The following CFH variants were observed in gnomAD, a reference collection of about 807,000 sequenced individuals.
CFH encodes H factor 1 (complement).
Under a neutral mutation model 147.3 loss-of-function variants are expected in CFH, and 53 were observed. The observed-to-expected ratio is 0.36, with a 90% CI of 0.29 to 0.45. The LOEUF (loss-of-function observed/expected upper bound fraction) is 0.45. Ranked by LOEUF, CFH falls within the 20% of genes least tolerant of loss-of-function variation. CFH has a pLI of 1.00. For synonymous variants in CFH, 536 were observed against 489.4 expected (o/e 1.10, Z -1.26); for missense variants, 1,380 against 1,498.0 (o/e 0.92, Z 1.30).
chr1:196,698,640 A>G (rs1047515980), intron 9 of CFH, among the ~76,000 whole-genome samples: 1 of 152,232 alleles, frequency 6.6e-6, no homozygotes, highest in Non-Finnish European at 1.5e-5. Flanking sequence ...AAATTCTACC[A>G]GAGGTACTAA....
chr1:196,694,052 T>C (rs1479598094), intron 9 of CFH, among the ~76,000 whole-genome samples: 1 of 151,722 alleles, frequency 6.6e-6, no homozygotes, highest in African/African-American at 2.4e-5. Flanking sequence ...GTTTGTTACA[T>C]AAGTATACGT....
At chr1:196,669,950 G>T (rs1055697493) in intron 1 of CFH, among the ~76,000 whole-genome samples, 1 of 152,216 alleles carries the variant, frequency 6.6e-6, no homozygotes, top group African/African-American at 2.4e-5. Flanking sequence ...ATTGGGGCAG[G>T]TCTGCCCAAG....
chr1:196,742,404 A>T (rs1004052666), intron 19 of CFH, among the ~76,000 whole-genome samples: 6 of 152,166 alleles, frequency 3.9e-5, no homozygotes, highest in Non-Finnish European at 5.9e-5. Flanking sequence ...GAAATAAATA[A>T]ATATATAAGT....
intron 15 of CFH, among the ~76,000 whole-genome samples, chr1:196,736,489 T>C (rs1669404620): frequency 6.6e-6 from 1 of 151,988 alleles, no homozygotes; most frequent in African/African-American, 2.4e-5. Context: ...TGTAATTCCA[T>C]TAAAACATTC....
chr1:196,652,674 T>C (rs949520122), intron 1 of CFH, among the ~76,000 whole-genome samples: 6 of 151,762 alleles, frequency 4.0e-5, no homozygotes, highest in Non-Finnish European at 8.8e-5. Flanking sequence ...TGTAGACAAG[T>C]ATTACTTGTA....
At position 196,707,577 on chromosome 1, in the gene CFH, T is replaced by G. The variant is rs537366453; in HGVS notation, c.1337-6158T>G. Among the ~76,000 whole-genome samples the G allele has an allele frequency of 5.8e-4, 89 of 152,260 alleles. 2 individuals carry two copies. In the South Asian group the frequency reaches 0.016, roughly 27 times the overall value. On this transcript the variant is annotated intron_variant, in intron 9 of 21. Transcript: ENST00000367429. ...AAGCATGACTGGTGACCCATTCCTC[T>G]GTTCAGCTTGAAGGACTTAGACCCT...
chr1:196,660,458 A>C (rs1217767129), intron 1 of CFH, among the ~76,000 whole-genome samples: 1 of 152,168 alleles, frequency 6.6e-6, no homozygotes, highest in Non-Finnish European at 1.5e-5. Context: ...GATTTGCAAG[A>C]ATCACTTGTC....
intron 15 of CFH, among the ~76,000 whole-genome samples, chr1:196,732,545 C>T (rs543895502): frequency 6.6e-6 from 1 of 151,960 alleles, no homozygotes; most frequent in Non-Finnish European, 1.5e-5. Context: ...TTTTCTTTAA[C>T]TCACAGTGTT....
At chr1:196,724,968 A>G (rs1322538311) in intron 11 of CFH, among the ~76,000 whole-genome samples, 153 bp from the exon 12 acceptor site, 1 of 152,210 alleles carries the variant, frequency 6.6e-6, no homozygotes, top group Non-Finnish European at 1.5e-5. Flanking sequence ...AGCATATAAA[A>G]CATAATATGT....
intron 9 of CFH, among the ~76,000 whole-genome samples, chr1:196,707,058 C>A (rs1309794358): frequency 6.6e-6 from 1 of 152,054 alleles, no homozygotes; most frequent in Non-Finnish European, 1.5e-5. Context: ...ATTTCTGTAG[C>A]CTAGGACACC....
chr1:196,687,126 G>T (rs969755951), intron 7 of CFH, among the ~76,000 whole-genome samples: 1 of 151,948 alleles, frequency 6.6e-6, no homozygotes, highest in East Asian at 1.9e-4. Context: ...CTGGACTTGG[G>T]TCAAATAAAT....
chr1:196,681,427 A>T (rs1218360093), intron 6 of CFH, among the ~76,000 whole-genome samples: 1 of 151,198 alleles, frequency 6.6e-6, no homozygotes, highest in Non-Finnish European at 1.5e-5. Flanking sequence ...TCCCAAATGT[A>T]TTACTGCATT....
intron 9 of CFH, among the ~76,000 whole-genome samples, chr1:196,697,481 G>A (rs1176787213): frequency 1.3e-5 from 2 of 151,668 alleles, no homozygotes; most frequent in African/African-American, 2.4e-5. Context: ...AGTTAGAATG[G>A]CGATCATTAA....
rs752859825 is a variant in CFH, at chr1:196,726,594, G to T, written c.1998G>T (p.Lys666Asn). The change falls in exon 13 of 22, where the codon AAG becomes AAT. Residue 666 changes from lysine (K) to asparagine (N), a missense_variant. By Grantham distance (94) the Lys-to-Asn change is moderately conservative. This residue lies in a region of CFH where 830 missense variants were observed against 821.4 expected (regional missense o/e 1.01). Transcript: ENST00000367429. ...ATTGCAATCCTAGATTTCTAATGAAGGGACCTAATAAAATTCAATGTGTTG... is the reference window on the plus strand; with the variant it reads ...ATTGCAATCCTAGATTTCTAATGAATGGACCTAATAAAATTCAATGTGTTG... ...EYYCNPRFLM[K>N]GPNKIQCVDG... is the part of the protein sequence containing the mutation. 35 of 1,612,340 alleles carry T rather than the reference G, an allele frequency of 2.2e-5. No individual in the cohort carries two copies. The highest frequency in any genetic ancestry group is 2.9e-5 in the Non-Finnish European group (34 of 1,178,634).
chr1:196,723,550 G>C (rs543298225), intron 11 of CFH, among the ~76,000 whole-genome samples: 1 of 152,252 alleles, frequency 6.6e-6, no homozygotes, highest in East Asian at 1.9e-4. Flanking sequence ...GCACGGACAG[G>C]TAAGAGCCAG....
chr1:196,722,006 C>T (rs1366705606), intron 11 of CFH, among the ~76,000 whole-genome samples: 1 of 151,998 alleles, frequency 6.6e-6, no homozygotes, highest in Admixed American at 6.6e-5. Context: ...GTCCACAAAT[C>T]TATATCTTTT....
In CFH at chr1:196,726,457, A is replaced by G. The variant is rs773675235; in HGVS notation, c.1874-13A>G. 106 of 1,588,788 alleles carry G rather than the reference A, an allele frequency of 6.7e-5. No individual in the cohort carries two copies. Among genetic ancestry groups the G allele is most frequent in the Non-Finnish European group, 5.2e-6 (6 of 1,158,294 alleles). On this transcript the variant is annotated splice_polypyrimidine_tract_variant and intron_variant, in intron 12 of 21. Coordinates refer to ENST00000367429, the MANE Select transcript of CFH (RefSeq NM_000186.4). ...ACAATTTAACCATTATTTACATAGT[A>G]TTTCTACTATAGAGCAAGTACAATC...
At chr1:196,734,024 C>T (rs865786704) in intron 15 of CFH, among the ~76,000 whole-genome samples, 1 of 152,074 alleles carries the variant, frequency 6.6e-6, no homozygotes, top group Non-Finnish European at 1.5e-5. Flanking sequence ...TCTAGAGAGA[C>T]TCTCATGTGT....
intron 17 of CFH, among the ~76,000 whole-genome samples, chr1:196,738,964 C>T (rs748914405): frequency 7.9e-5 from 12 of 152,224 alleles, no homozygotes; most frequent in Non-Finnish European, 1.6e-4. Flanking sequence ...TGTAGGTTCC[C>T]AAACCTCAAT....
Sources: allele counts gnomAD v4.1 joint callset (sites outside exome capture counted in the v4.1 genomes callset), GRCh38; gene constraint gnomAD v4.1.1; regional missense constraint gnomAD v4.1.1; transcripts MANE v1.5; gene names NCBI Gene and HGNC (gene_info 2026-07-23, HGNC 2026-07-21).